Variants in GALK2 observed in about 807,000 individuals in gnomAD.
GALK2 encodes the protein galactokinase 2, also known as N-acetylgalactosamine kinase.
Under a neutral mutation model 52.4 loss-of-function variants are expected in GALK2, and 36 were observed. The ratio of observed to expected loss-of-function variants is 0.69; its 90% CI spans 0.53 to 0.91. The LOEUF is 0.91. GALK2 is among the 40% of genes least tolerant of loss of function. GALK2 has a pLI of 0.00. For missense variants in GALK2, 579 were observed against 559.1 expected, an observed-to-expected ratio of 1.04 and a Z score of -0.36; for synonymous variants, 176 against 199.1, an observed-to-expected ratio of 0.88 and a Z score of 0.98.
intron 3 of GALK2, among the ~76,000 whole-genome samples, chr15:49,356,232 A>G (rs1567139013): frequency 6.6e-6 from 1 of 152,180 alleles, no homozygotes. Flanking sequence ...TCAAATTCAC[A>G]CATAACAATT....
intron 5 of GALK2, among the ~76,000 whole-genome samples, chr15:49,274,428 T>C (rs1026590469): frequency 1.1e-4 from 17 of 152,234 alleles, no homozygotes; most frequent in African/African-American, 4.1e-4. Context: ...ATTGGGCATT[T>C]ATTATGAATG....
At chr15:49,275,014 A>T (rs1162310796) in intron 5 of GALK2, among the ~76,000 whole-genome samples, 1 of 152,146 alleles carries the variant, frequency 6.6e-6, no homozygotes, top group African/African-American at 2.4e-5. Flanking sequence ...TAAAATAATG[A>T]TAAAAAGTAT....
In GALK2 at chr15:49,239,288, C is replaced by G. The variant is rs201904223; in HGVS notation, c.425C>G (p.Ser142Cys). Residue 142 changes from serine (S) to cysteine (C), a missense_variant, in exon 5 of 10, where the codon TCT (serine) becomes TGT (cysteine). Coordinates refer to ENST00000560031, the MANE Select transcript of GALK2 (RefSeq NM_002044.4). ...GTAGATGGAAATATCCCACCAAGTT[C>G]TGGCCTCTCCAGCTCCAGTGCTTTG... The part of the protein sequence containing the change: ...CLVDGNIPPS[S>C]GLSSSSALVC... 1 of 1,614,128 alleles carries G rather than the reference C, an allele frequency of 6.2e-7. No individual in the cohort carries two copies. The highest frequency in any genetic ancestry group is 8.5e-7 in the Non-Finnish European group (1 of 1,179,986).
Position 49,281,071 on chromosome 15 carries a change from G to A in GALK2, c.505-916G>A, listed in dbSNP as rs559346184. On this transcript the variant is annotated intron_variant, in intron 5 of 9. Transcript: ENST00000560031. Reference sequence around the variant, plus strand: ...AGGATGGTCTTGATCTCTTGACCTCGTGATCCGCCCACCTCGGCCTCCCAA... The same window carrying A: ...AGGATGGTCTTGATCTCTTGACCTCATGATCCGCCCACCTCGGCCTCCCAA... 6.6e-5 allele frequency among the ~76,000 whole-genome samples: 10 copies of A among 152,262 alleles called. No individual in the cohort carries two copies. The East Asian group carries it at 1.5e-3, about 24-fold the overall frequency.
Position 49,170,374 on chromosome 15 carries a change from A to C in GALK2, c.52A>C (p.Arg18=), listed in dbSNP as rs769054090. The change falls in exon 1 of 10, where the codon AGG becomes CGG. Residue 18 remains arginine, a splice_region_variant and synonymous_variant. Transcript: ENST00000560031. ...TRRVQVAEHP[R]LLKLKEMFNS... is the part of the protein sequence containing the mutation. ...TCGGGTCCAGGTGGCAGAACATCCTAGGTGGGGGAGAGGAGACGCCGGGCT... is the reference window on the plus strand; with the variant it reads ...TCGGGTCCAGGTGGCAGAACATCCTCGGTGGGGGAGAGGAGACGCCGGGCT... 8.2e-6 allele frequency: 13 copies of C among 1,589,368 alleles called. No individual in the cohort carries two copies. The South Asian group carries it at 1.5e-4, about 18-fold the overall frequency.
intron 3 of GALK2, among the ~76,000 whole-genome samples, chr15:49,228,248 A>G (rs1244453523): frequency 1.3e-5 from 2 of 152,298 alleles, no homozygotes; most frequent in Admixed American, 1.3e-4. Context: ...TTCCTGTATC[A>G]GAATATGTAA....
chr15:49,195,245 G>T (rs1477918161), intron 1 of GALK2: 2 of 345,630 alleles, frequency 5.8e-6, no homozygotes, highest in East Asian at 1.9e-4. Context: ...CTAATTTTTT[G>T]TATTTTTAGT....
chr15:49,338,093 G>A (rs1042371687), intron 3 of GALK2, among the ~76,000 whole-genome samples: 2 of 152,070 alleles, frequency 1.3e-5, no homozygotes, highest in African/African-American at 4.8e-5. Flanking sequence ...GTCTTCCATT[G>A]TTGTGTCTTT....
At chr15:49,158,910 C>T (rs1595838971) in intron 1 of GALK2, 1 of 152,258 alleles carries the variant, frequency 6.6e-6, no homozygotes, top group Non-Finnish European at 1.5e-5. Context: ...ACTGCAGCCT[C>T]GAACTCCTTG....
chr15:49,283,365 G>A (rs1052257952), intron 6 of GALK2, among the ~76,000 whole-genome samples: 4 of 152,086 alleles, frequency 2.6e-5, no homozygotes, highest in African/African-American at 9.7e-5. Context: ...ACTTGATTGC[G>A]GGCTCTATGA....
downstream of GALK2, among the ~76,000 whole-genome samples, chr15:49,332,882 G>A (rs2039049457): frequency 6.6e-6 from 1 of 152,128 alleles, no homozygotes; most frequent in South Asian, 2.1e-4. Context: ...TTGCATTTGT[G>A]CTCTGTGACT....
downstream of GALK2, chr15:49,334,327 T>C (rs1377133401): frequency 1.4e-6 from 1 of 689,882 alleles, no homozygotes; most frequent in Admixed American, 6.3e-5. Context: ...AATTTTAAAA[T>C]AATGCAGGCA....
intron 1 of GALK2, among the ~76,000 whole-genome samples, chr15:49,164,231 A>G (rs1595851791): frequency 1.3e-5 from 2 of 152,282 alleles, no homozygotes; most frequent in South Asian, 4.1e-4. Flanking sequence ...GGGGTTCAGA[A>G]TATGCCACCC....
rs372787716 is a variant in GALK2, at chr15:49,354,844, G to C, written c.427-12647G>C. Among the ~76,000 whole-genome samples, 26 of 152,022 alleles carry C rather than the reference G, an allele frequency of 1.7e-4. 1 individual carries two copies. In the East Asian group the frequency reaches 4.5e-3, roughly 26 times the overall value. Reference sequence around the variant, plus strand: ...TCTGCAGACTTAAATGTCCCTGTCTGACAGCTTTGAAGAGAGCAGTGGTTC... The same window carrying C: ...TCTGCAGACTTAAATGTCCCTGTCTCACAGCTTTGAAGAGAGCAGTGGTTC... On this transcript the variant is annotated intron_variant, in intron 3 of 3. Coordinates refer to the GALK2 transcript ENST00000558399.
chr15:49,219,537 G>A (rs1385619231), intron 3 of GALK2, among the ~76,000 whole-genome samples: 1 of 152,068 alleles, frequency 6.6e-6, no homozygotes, highest in South Asian at 2.1e-4. Flanking sequence ...GGCTGGGCAC[G>A]GTGGTTCACG....
intron 5 of GALK2, among the ~76,000 whole-genome samples, chr15:49,264,486 A>G (rs987344294): frequency 3.3e-5 from 5 of 152,128 alleles, no homozygotes; most frequent in South Asian, 4.1e-4. Flanking sequence ...TTTTTTTCAA[A>G]GTTTTCAACT....
rs2038706561 is a variant in GALK2, at chr15:49,331,339, C to T, written c.*3180C>T. ...AGGAAAATCAGAAAGATGGAACAGG[C>T]TCCTTTCTTTTCTTTCTTTCTCATA... On this transcript the variant is annotated 3_prime_UTR_variant, in exon 10 of 10. Coordinates refer to ENST00000560031, the MANE Select transcript of GALK2 (RefSeq NM_002044.4). The T allele has an allele frequency of 6.5e-6, 1 of 154,064 alleles. No individual in the cohort carries two copies. The highest frequency in any genetic ancestry group is 1.9e-4 in the East Asian group (1 of 5,236). The allele number at this position is 154,064 out of a possible 1,614,324, so 9.5% of individuals were successfully genotyped here.
At chr15:49,172,089 A>T (rs997586237) in intron 1 of GALK2, among the ~76,000 whole-genome samples, 4 of 152,156 alleles carry the variant, frequency 2.6e-5, no homozygotes, top group African/African-American at 9.7e-5. Context: ...TTAATCTTCT[A>T]CATAAAACAT....
intron 7 of GALK2, among the ~76,000 whole-genome samples, chr15:49,288,411 G>A (rs1207843244): frequency 2.6e-5 from 4 of 152,196 alleles, no homozygotes; most frequent in East Asian, 3.8e-4. Flanking sequence ...TACAGGGCCT[G>A]TCTGGTCAGG....
Sources: allele counts gnomAD v4.1 joint callset (sites outside exome capture counted in the v4.1 genomes callset), GRCh38; gene constraint gnomAD v4.1.1; transcripts MANE v1.5; gene names NCBI Gene and HGNC (gene_info 2026-07-23, HGNC 2026-07-21).